Variants in TMCC3 observed in about 807,000 individuals in gnomAD.
The protein encoded by TMCC3 is transmembrane and coiled-coil domain protein 3.
TMCC3 carries 28 observed loss-of-function variants against 40.2 expected under a neutral mutation model. The observed-to-expected ratio is 0.70, with a 90% CI of 0.52 to 0.95. TMCC3 has a LOEUF of 0.95. Among genes scored for constraint, TMCC3 ranks in the 40% least tolerant of loss-of-function variants. TMCC3 has a pLI of 0.00. For missense variants in TMCC3, 554 were observed against 615.2 expected, an observed-to-expected ratio of 0.90 and a Z score of 1.05; for synonymous variants, 255 against 248.5, an observed-to-expected ratio of 1.03 and a Z score of -0.25.
intron 1 of TMCC3, among the ~76,000 whole-genome samples, chr12:94,601,544 G>C (rs1270983729): frequency 1.3e-5 from 2 of 151,252 alleles, no homozygotes; most frequent in South Asian, 4.2e-4. Flanking sequence ...AAAAAAGAAG[G>C]CTGGGCGCAG....
chr12:94,585,241 C>A (rs2068631195), intron 1 of TMCC3, among the ~76,000 whole-genome samples: 1 of 152,100 alleles, frequency 6.6e-6, no homozygotes, highest in African/African-American at 2.4e-5. Flanking sequence ...CCCTAGCCCA[C>A]CTTTCAGGCG....
intron 1 of TMCC3, among the ~76,000 whole-genome samples, chr12:94,587,469 A>T (rs759099671): frequency 3.4e-4 from 52 of 152,236 alleles, no homozygotes; most frequent in Admixed American, 1.3e-4. Context: ...TTTGGTTTCC[A>T]TCTTGGCACC....
Position 94,582,265 on chromosome 12 carries a change from T to A in TMCC3, c.352A>T (p.Lys118Ter). The A allele has an allele frequency of 6.2e-7, 1 of 1,614,184 alleles. No homozygotes were observed. Among genetic ancestry groups the A allele is most frequent in the Non-Finnish European group, 8.5e-7 (1 of 1,180,032 alleles). ...AGRIKQVFEK[K>*]NQKSAHSIAQ... The stretch of plus-strand genomic sequence containing the variant: ...ATGGAGTGAGCTGATTTCTGATTCT[T>A]CTTCTCAAAGACTTGCTTGATACGT... Residue 118 changes from lysine (K) to a stop codon, truncating the protein, a stop_gained, in exon 2 of 4, where the codon AAG becomes TAG. Coordinates refer to ENST00000261226, the MANE Select transcript of TMCC3 (RefSeq NM_020698.4). LOFTEE classifies it high-confidence loss of function.
At chr12:94,621,009 C>T (rs1051502085) in intron 1 of TMCC3, among the ~76,000 whole-genome samples, 2 of 152,190 alleles carry the variant, frequency 1.3e-5, no homozygotes, top group African/African-American at 4.8e-5. Flanking sequence ...AGGTCTTAAG[C>T]AAGATTGATG....
At chr12:94,578,146 CAAAA>C (rs1183420863) in intron 3 of TMCC3, among the ~76,000 whole-genome samples, 2 of 34,854 alleles carry the variant, frequency 5.7e-5, no homozygotes, top group African/African-American at 2.5e-4. Flanking sequence ...AGACTCACCT[CAAAA>C]AAAAAAAAAA....
chr12:94,631,786 AC>A (rs2068934772), intron 1 of TMCC3, among the ~76,000 whole-genome samples: 1 of 152,206 alleles, frequency 6.6e-6, no homozygotes, highest in Admixed American at 6.5e-5. Context: ...TTAAAAAGTA[AC>A]AGGATTACAA....
At position 94,584,496 on chromosome 12, in the gene TMCC3, G is replaced by A. The variant is rs552623647; in HGVS notation, c.79-1958C>T. Among the ~76,000 whole-genome samples, 327 of 152,092 alleles carry A rather than the reference G, an allele frequency of 2.2e-3. 1 individual carries two copies. Among genetic ancestry groups the A allele is most frequent in the African/African-American group, 7.1e-3 (293 of 41,466 alleles). On this transcript the variant is annotated intron_variant, in intron 1 of 3. Coordinates refer to ENST00000261226, the MANE Select transcript of TMCC3 (RefSeq NM_020698.4). ...TATAGCAATGTGAGAACAGACTAATGCTCTAGGTGATCCAGACTTGAATAT... is the reference window on the plus strand; with the variant it reads ...TATAGCAATGTGAGAACAGACTAATACTCTAGGTGATCCAGACTTGAATAT...
intron 1 of TMCC3, chr12:94,590,760 C>T (rs1594274322): frequency 1.2e-5 from 5 of 411,508 alleles, no homozygotes; most frequent in Admixed American, 6.3e-5. Flanking sequence ...CTCACGCTTC[C>T]GGAGACTGGA....
chr12:94,621,838 G>A (rs1172921045), intron 1 of TMCC3, among the ~76,000 whole-genome samples: 2 of 152,074 alleles, frequency 1.3e-5, no homozygotes, highest in Non-Finnish European at 2.9e-5. Flanking sequence ...CCAGGAAGAG[G>A]CCCCAAGTGA....
rs776809692 is a variant in TMCC3 at position 94,571,849 on chromosome 12, C to T, written c.1132-112G>A. The T allele has an allele frequency of 7.4e-5, 82 of 1,101,466 alleles. No homozygotes were observed. The Middle Eastern group carries it at 2.2e-3, about 29-fold the overall frequency. 68.2% of individuals were successfully genotyped at this position (1,101,466 alleles called of 1,614,324 possible). A position where few individuals can be genotyped will look rare whatever the true frequency, so the allele number is the denominator to read the frequency against. ...CAGCTCAGAAAGCCCAATGCCCAGG[C>T]GGCTGCAAATCCCCAAACCGATGAT... On this transcript the variant is annotated intron_variant, in intron 3 of 3. Transcript: ENST00000261226.
chr12:94,634,130 A>G (rs1594297512), intron 1 of TMCC3, among the ~76,000 whole-genome samples: 1 of 151,982 alleles, frequency 6.6e-6, no homozygotes, highest in East Asian at 1.9e-4. Context: ...TTTTTAGTAG[A>G]GATGAGGTTT....
chr12:94,649,284 A>G (rs74618828), intron 1 of TMCC3, among the ~76,000 whole-genome samples: 3,294 of 152,320 alleles, frequency 0.022, 123 homozygotes, highest in African/African-American at 0.074. Context: ...AATCCTGCAC[A>G]AAGGGCCGCG....
chr12:94,578,467 T>A lies in TMCC3; in HGVS notation c.1058A>T (p.Asn353Ile), dbSNP rs768128624. 84 of 1,614,028 alleles carry A rather than the reference T, an allele frequency of 5.2e-5. No homozygotes were observed. Among genetic ancestry groups the A allele is most frequent in the Non-Finnish European group, 6.4e-5 (76 of 1,180,018 alleles). The change falls in exon 3 of 4, where the codon AAC (asparagine) becomes ATC (isoleucine). Residue 353 changes from asparagine to isoleucine, a missense_variant. Coordinates refer to ENST00000261226, the MANE Select transcript of TMCC3 (RefSeq NM_020698.4). The stretch of plus-strand genomic sequence containing the variant: ...AATGCTGGCCAGCTCCTGCTTCAGG[T>A]TGGCTGTCTCATGCTGATGCAGGTC... ...LTDLHQHETA[N>I]LKQELASIEE...
In TMCC3 at chr12:94,578,458, T is replaced by C. The variant is rs967649837; in HGVS notation, c.1067A>G (p.Gln356Arg). 1 of 1,614,210 alleles carries C rather than the reference T, an allele frequency of 6.2e-7. No homozygotes were observed. Among genetic ancestry groups the C allele is most frequent in the Non-Finnish European group, 8.5e-7 (1 of 1,180,022 alleles). Residue 356 changes from glutamine (Q) to arginine (R), a missense_variant, in exon 3 of 4, where the codon CAG (glutamine) becomes CGG (arginine). Physicochemically the swap from Gln to Arg is conservative, Grantham distance 43. Coordinates refer to ENST00000261226, the MANE Select transcript of TMCC3 (RefSeq NM_020698.4). ...LHQHETANLK[Q>R]ELASIEEKVA... is the part of the protein sequence containing the mutation. Reference sequence around the variant, plus strand: ...CTTCTCCTCAATGCTGGCCAGCTCCTGCTTCAGGTTGGCTGTCTCATGCTG... The same window carrying C: ...CTTCTCCTCAATGCTGGCCAGCTCCCGCTTCAGGTTGGCTGTCTCATGCTG...
At chr12:94,597,761 C>A (rs994104633) in intron 1 of TMCC3, among the ~76,000 whole-genome samples, 1 of 151,050 alleles carries the variant, frequency 6.6e-6, no homozygotes, top group East Asian at 2.0e-4. Context: ...GAGCCAAGAT[C>A]GCGCCATTGC....
intron 1 of TMCC3, among the ~76,000 whole-genome samples, chr12:94,628,716 T>C (rs1421380539): frequency 1.3e-5 from 2 of 152,184 alleles, no homozygotes; most frequent in Non-Finnish European, 2.9e-5. Flanking sequence ...CTCATCCTCA[T>C]GCTAAGTCCC....
At chr12:94,614,775 T>G (rs2068838466) in intron 1 of TMCC3, among the ~76,000 whole-genome samples, 1 of 151,524 alleles carries the variant, frequency 6.6e-6, no homozygotes, top group Admixed American at 6.6e-5. Context: ...TTTTTTTTTT[T>G]TTTGGTTTGA....
At chr12:94,648,650 T>C (rs1166642440) in intron 1 of TMCC3, among the ~76,000 whole-genome samples, 1 of 152,244 alleles carries the variant, frequency 6.6e-6, no homozygotes, top group African/African-American at 2.4e-5. Flanking sequence ...CCTTACACAA[T>C]TGCTTTACCA....
intron 1 of TMCC3, 108 bp from the exon 2 acceptor site, chr12:94,582,646 A>T: frequency 9.7e-7 from 1 of 1,031,914 alleles, no homozygotes; most frequent in Non-Finnish European, 1.4e-6. Context: ...CAGTTTTTCG[A>T]ACTACAAGTG....
Sources: allele counts gnomAD v4.1 joint callset (sites outside exome capture counted in the v4.1 genomes callset), GRCh38; gene constraint gnomAD v4.1.1; transcripts MANE v1.5; gene names NCBI Gene and HGNC (gene_info 2026-07-23, HGNC 2026-07-21).